HEATR5B: variants seen among roughly 807,000 people sequenced by gnomAD.
HEATR5B encodes the protein HEAT repeat-containing protein 5B.
In HEATR5B, 156 loss-of-function variants were observed where a neutral mutation model predicts 224.1. The ratio of observed to expected loss-of-function variants is 0.70; its 90% CI spans 0.61 to 0.80. The LOEUF (loss-of-function observed/expected upper bound fraction) is 0.80. HEATR5B is among the 30% of genes least tolerant of loss of function. The pLI, the probability that HEATR5B is intolerant of heterozygous loss-of-function variation, is 0.00. For synonymous variants in HEATR5B, 1,027 were observed against 893.0 expected, an observed-to-expected ratio of 1.15 and a Z score of -2.68; for missense variants, 2,323 against 2,535.5, an observed-to-expected ratio of 0.92 and a Z score of 1.80.
At chr2:37,049,968 A>G in intron 17 of HEATR5B, 125 bp from the exon 18 acceptor site, 2 of 882,438 alleles carry the variant, frequency 2.3e-6, no homozygotes, top group Non-Finnish European at 3.2e-6. Context: ...ACTGCTCACT[A>G]CAGCCTCGAC....
At chr2:37,034,426 A>C (rs1385441099) in intron 21 of HEATR5B, among the ~76,000 whole-genome samples, 1 of 141,896 alleles carries the variant, frequency 7.0e-6, no homozygotes, top group Non-Finnish European at 1.6e-5. Flanking sequence ...ATCCCGGCTA[A>C]AACGGTGAAA....
intron 5 of HEATR5B, among the ~76,000 whole-genome samples, chr2:37,074,532 C>A (rs1487787563): frequency 6.6e-6 from 1 of 152,130 alleles, no homozygotes; most frequent in Non-Finnish European, 1.5e-5. Context: ...ACCAAAAGCA[C>A]AATCCATATA....
intron 33 of HEATR5B, among the ~76,000 whole-genome samples, chr2:36,991,468 C>A (rs188103298): frequency 2.0e-5 from 3 of 146,506 alleles, no homozygotes; most frequent in Admixed American, 1.4e-4. Flanking sequence ...GCACTCCAGC[C>A]TGGGCAACAA....
At chr2:37,013,801 G>C (rs774638122) in intron 27 of HEATR5B, 40 bp downstream of exon 27, 3 of 1,475,650 alleles carry the variant, frequency 2.0e-6, no homozygotes, top group African/African-American at 1.4e-5. Context: ...CATGGATGAA[G>C]AAATGGGTCA....
intron 29 of HEATR5B, among the ~76,000 whole-genome samples, chr2:37,006,402 C>T (rs1053566256): frequency 3.9e-5 from 6 of 152,098 alleles, no homozygotes; most frequent in African/African-American, 1.4e-4. Flanking sequence ...ATCTCAGCAC[C>T]CAGCCGAGGT....
chr2:37,068,820 T>G lies in HEATR5B; in HGVS notation c.1038A>C (p.Thr346=). Residue 346 remains threonine (T), a synonymous_variant, in exon 8 of 36, where the codon ACA becomes ACC. Transcript: ENST00000233099. The part of the protein sequence containing the change: ...DLVSHPRATQ[T]HVEAVYSRRC... ...GTCTGGAGTACACAGCCTCCACATG[T>G]GTTTGTGTTGCCCGAGGATGGGAAA... The G allele has an allele frequency of 1.2e-6, 2 of 1,614,100 alleles. No individual in the cohort carries two copies. Among genetic ancestry groups the G allele is most frequent in the Non-Finnish European group, 1.7e-6 (2 of 1,180,016 alleles).
intron 12 of HEATR5B, among the ~76,000 whole-genome samples, chr2:37,059,755 C>T (rs754419652): frequency 2.0e-5 from 3 of 151,904 alleles, no homozygotes; most frequent in East Asian, 3.9e-4. Flanking sequence ...CCACAGCACC[C>T]GGCCACTACA....
chr2:37,076,917 A>G lies in HEATR5B; in HGVS notation c.441T>C (p.Ser147=), dbSNP rs567521173. 6.8e-5 allele frequency: 110 copies of G among 1,609,914 alleles called. No individual in the cohort carries two copies. In the South Asian group the frequency reaches 1.1e-3, roughly 17 times the overall value. Residue 147 remains serine, a synonymous_variant, in exon 4 of 36, where the codon AGT becomes AGC. Transcript: ENST00000233099. The part of the protein sequence containing the change: ...TVNNLLKSLK[S]AESQGRSEIL... ...TATTGGTTGTAAAACTTACCTCTGC[A>G]CTTTTCAGAGATTTCAATAGATTAT...
intron 33 of HEATR5B, among the ~76,000 whole-genome samples, chr2:36,995,139 GGATGCAGTGGCTT>G (rs1424211821): frequency 7.2e-6 from 1 of 137,990 alleles, no homozygotes; most frequent in African/African-American, 2.9e-5. Flanking sequence ...ACCCAGGCTG[GGATGCAGTGGCTT>G]GATCTCAGCT....
In HEATR5B at chr2:37,041,309, G is replaced by A. The variant is rs139266078; in HGVS notation, c.2697-17C>T. The A allele has an allele frequency of 1.9e-6, 3 of 1,611,910 alleles. No homozygotes were observed. The highest frequency in any genetic ancestry group is 2.5e-6 in the Non-Finnish European group (3 of 1,178,438). Reference sequence around the variant, plus strand: ...GATTTCAACCTGAAAAAAAGATTATGCTTCAAGCACTAACTTTGCTATTTC... The same window carrying A: ...GATTTCAACCTGAAAAAAAGATTATACTTCAAGCACTAACTTTGCTATTTC... On this transcript the variant is annotated splice_polypyrimidine_tract_variant and intron_variant, in intron 18 of 35. Transcript: ENST00000233099.
rs1671731905 is a variant in HEATR5B, at chr2:37,068,770, G to A, written c.1088C>T (p.Ala363Val). Residue 363 changes from alanine to valine, a missense_variant, in exon 8 of 36, where the codon GCT becomes GTT. This residue lies in a region of HEATR5B where 502 missense variants were observed against 517.8 expected (regional missense o/e 0.97). Transcript: ENST00000233099. Reference protein sequence around the residue: ...SRRCVSFILRATVGSLLGEKA... With the variant: ...SRRCVSFILRVTVGSLLGEKA... ...TTCACCTAGCAAACTGCCCACAGTA[G>A]CTCTTAGGATAAAGGAAACACATCG... 2 of 1,614,142 alleles carry A rather than the reference G, an allele frequency of 1.2e-6. No individual in the cohort carries two copies. The highest frequency in any genetic ancestry group is 3.3e-5 in the Admixed American group (2 of 60,026).
At chr2:36,995,104 T>TTTTTTTTTTTTG (rs1558702449) in intron 33 of HEATR5B, among the ~76,000 whole-genome samples, 2 of 148,594 alleles carry the variant, frequency 1.3e-5, no homozygotes, top group South Asian at 2.1e-4. Flanking sequence ...TTTTTTTTTT[T>TTTTTTTTTTTTG]CCTGAGATGG....
intron 5 of HEATR5B, 50 bp from the exon 6 acceptor site, chr2:37,072,331 A>C (rs1671955921): frequency 7.4e-7 from 1 of 1,347,864 alleles, no homozygotes; most frequent in Non-Finnish European, 1.0e-6. Context: ...ATCTGCTTCC[A>C]GAGATGGAAT....
intron 32 of HEATR5B, among the ~76,000 whole-genome samples, 174 bp downstream of exon 32, chr2:37,002,126 TTGAATC>T (rs1667127613): frequency 6.6e-6 from 1 of 152,204 alleles, no homozygotes; most frequent in Admixed American, 6.5e-5. Context: ...TTGTGACTTT[TTGAATC>T]TTTAATCTTC....
chr2:37,058,101 T>C (rs772117322), intron 14 of HEATR5B, among the ~76,000 whole-genome samples: 1 of 152,318 alleles, frequency 6.6e-6, no homozygotes, highest in African/African-American at 2.4e-5. Context: ...AGTGCACACT[T>C]TGAAGATAAA....
At chr2:37,079,658 C>G (rs2148610377) in intron 2 of HEATR5B, among the ~76,000 whole-genome samples, 1 of 152,232 alleles carries the variant, frequency 6.6e-6, no homozygotes, top group East Asian at 1.9e-4. Flanking sequence ...GTATGGACAA[C>G]TGATGTCTTA....
chr2:37,008,545 C>T (rs530686443), intron 28 of HEATR5B, 66 bp downstream of exon 28: 138 of 1,073,680 alleles, frequency 1.3e-4, no homozygotes, highest in African/African-American at 1.3e-3. Context: ...TAGTCTATAC[C>T]GTCTCTATTT....
chr2:37,054,076 G>C (rs1418243505), intron 16 of HEATR5B, among the ~76,000 whole-genome samples: 1 of 149,562 alleles, frequency 6.7e-6, no homozygotes, highest in Non-Finnish European at 1.5e-5. Flanking sequence ...AAAAGATTTA[G>C]CTTTGGCTAA....
chr2:37,007,242 C>A lies in HEATR5B; in HGVS notation c.4585G>T (p.Ala1529Ser), dbSNP rs1667479636. 1 of 1,613,802 alleles carries A rather than the reference C, an allele frequency of 6.2e-7. No homozygotes were observed. Among genetic ancestry groups the A allele is most frequent in the Non-Finnish European group, 8.5e-7 (1 of 1,179,986 alleles). Residue 1529 changes from alanine to serine, a missense_variant, in exon 29 of 36, where the codon GCC becomes TCC. Transcript: ENST00000233099. Reference sequence around the variant, plus strand: ...AGTGCCACCGCATGGAGAATTGGGGCCCAGGAATTCCGATAGTGAAGTCTA... The same window carrying A: ...AGTGCCACCGCATGGAGAATTGGGGACCAGGAATTCCGATAGTGAAGTCTA... ...TARLHYRNSW[A>S]PILHAVALWL... is the part of the protein sequence containing the mutation.
Sources: gnomAD v4.1 joint callset for allele counts (sites outside exome capture counted in the v4.1 genomes callset) on GRCh38, gnomAD v4.1.1 for gene constraint, gnomAD v4.1.1 regional missense constraint, MANE v1.5 for transcripts, NCBI Gene and HGNC (gene_info 2026-07-23, HGNC 2026-07-21) for gene names.